The following CPVL variants were observed in gnomAD, a reference collection of about 807,000 sequenced individuals.
CPVL encodes probable serine carboxypeptidase CPVL.
A neutral mutation model predicts 63.7 loss-of-function variants in CPVL; 51 were observed. The ratio of observed to expected loss-of-function variants is 0.80; its 90% CI spans 0.64 to 1.01. The LOEUF (loss-of-function observed/expected upper bound fraction) is 1.01, where lower values mean the gene tolerates loss of function less well. CPVL is among the 50% of genes least tolerant of loss of function. CPVL has a pLI of 0.00. For missense variants in CPVL, 530 were observed against 573.1 expected (o/e 0.92, Z 0.77); for synonymous variants, 195 against 206.0 (o/e 0.95, Z 0.46).
chr7:28,995,949 T>C, intron 12 of CPVL, 67 bp from the exon 13 acceptor site: 1 of 896,608 alleles, frequency 1.1e-6, no homozygotes, highest in African/African-American at 1.7e-5. Context: ...TGGAAAGTTT[T>C]CATTCAGATT....
chr7:29,166,041 G>C (rs1795866984), intron 5 of CPVL, among the ~76,000 whole-genome samples: 1 of 152,084 alleles, frequency 6.6e-6, no homozygotes, highest in African/African-American at 2.4e-5. Flanking sequence ...TTGTTTGTCT[G>C]TTTGTTTTTA....
At chr7:29,105,351 G>A (rs940245813) in intron 3 of CPVL, among the ~76,000 whole-genome samples, 2 of 152,172 alleles carry the variant, frequency 1.3e-5, no homozygotes, top group African/African-American at 4.8e-5. Context: ...TGCAAGGACA[G>A]GTAAACTTGG....
At chr7:29,111,889 T>C (rs1235991055) in intron 3 of CPVL, among the ~76,000 whole-genome samples, 1 of 152,236 alleles carries the variant, frequency 6.6e-6, no homozygotes, top group Admixed American at 6.5e-5. Context: ...TTCTCTAGCC[T>C]GTAAAACAAA....
intron 4 of CPVL, among the ~76,000 whole-genome samples, chr7:29,183,467 C>G (rs889487003): frequency 6.6e-6 from 1 of 151,624 alleles, no homozygotes; most frequent in African/African-American, 2.4e-5. Context: ...ACTTTTGTCT[C>G]TTGGGTTCAA....
At chr7:29,066,587 G>C (rs930739347) in intron 9 of CPVL, among the ~76,000 whole-genome samples, 2 of 152,214 alleles carry the variant, frequency 1.3e-5, no homozygotes, top group African/African-American at 4.8e-5. Context: ...TCTAGGGGAA[G>C]GAAGGTTCCA....
At chr7:29,045,904 C>A (rs1275507731) in intron 11 of CPVL, among the ~76,000 whole-genome samples, 2 of 151,996 alleles carry the variant, frequency 1.3e-5, no homozygotes, top group African/African-American at 4.8e-5. Context: ...CTTTTGATAG[C>A]CTGGGATAAG....
intron 11 of CPVL, among the ~76,000 whole-genome samples, chr7:29,062,009 T>A (rs918396443): frequency 6.6e-6 from 1 of 150,970 alleles, no homozygotes; most frequent in African/African-American, 2.4e-5. Flanking sequence ...ATAACACATA[T>A]CAAACTTATC....
intron 3 of CPVL, among the ~76,000 whole-genome samples, chr7:29,104,511 T>G (rs973644596): frequency 1.3e-5 from 2 of 152,200 alleles, no homozygotes; most frequent in African/African-American, 4.8e-5. Flanking sequence ...TCCACCTGCT[T>G]TGGCCTCCCA....
chr7:29,082,916 C>T (rs1410641732), intron 7 of CPVL, among the ~76,000 whole-genome samples: 1 of 152,160 alleles, frequency 6.6e-6, no homozygotes. Context: ...ACGAAGTAGA[C>T]CACTCTTCTG....
intron 1 of CPVL, among the ~76,000 whole-genome samples, chr7:29,144,739 AAAAC>A: frequency 6.6e-6 from 1 of 152,324 alleles, no homozygotes; most frequent in Non-Finnish European, 1.5e-5. Flanking sequence ...TCCCAAAACA[AAAAC>A]AAACTCATTT....
exon 2 of CPVL, chr7:29,186,546 G>A (rs996021541): frequency 2.2e-4 from 34 of 151,642 alleles, no homozygotes; most frequent in African/African-American, 7.0e-4. Flanking sequence ...CTGTATTGCA[G>A]CCTGCGTGAC....
chr7:29,005,419 T>C (rs945003666), intron 12 of CPVL, among the ~76,000 whole-genome samples: 3 of 152,192 alleles, frequency 2.0e-5, no homozygotes, highest in African/African-American at 7.2e-5. Context: ...AGGGGAAATG[T>C]TTCTTTTCCA....
chr7:29,136,904 A>G (rs962180120), intron 1 of CPVL, among the ~76,000 whole-genome samples: 1 of 152,164 alleles, frequency 6.6e-6, no homozygotes. Context: ...CTGGCCCTGC[A>G]TTCCCACAGC....
At chr7:29,028,231 TGG>T (rs1787682338) in intron 12 of CPVL, among the ~76,000 whole-genome samples, 1 of 152,164 alleles carries the variant, frequency 6.6e-6, no homozygotes, top group Admixed American at 6.5e-5. Context: ...CTGGGTAAAC[TGG>T]GATCCATATG....
chr7:29,193,541 C>T (rs1385255222), intron 1 of CPVL: 1 of 152,170 alleles, frequency 6.6e-6, no homozygotes. Context: ...CTAACAATTT[C>T]TCTTCAAATT....
rs1002323057 is a variant in CPVL, at chr7:29,155,455, G to A, written c.-11+25835C>T. Among the ~76,000 whole-genome samples, 7 of 152,110 alleles carry A rather than the reference G, an allele frequency of 4.6e-5. 1 individual carries two copies. The highest frequency in any genetic ancestry group is 3.9e-4 in the East Asian group (2 of 5,188). On this transcript the variant is annotated intron_variant, in intron 5 of 16. Transcript: ENST00000409850. The stretch of plus-strand genomic sequence containing the variant: ...GGTCATTCAGCCCTTACTGTAACCC[G>A]AAAAGGTAGATATTATATTCTCCAT...
intron 11 of CPVL, among the ~76,000 whole-genome samples, chr7:29,062,872 C>G (rs73684549): frequency 0.1 from 15,165 of 152,196 alleles, 2,527 homozygotes; most frequent in African/African-American, 0.34. Context: ...GGGCTGCCGA[C>G]TGCCCTGTTT....
chr7:29,055,383 G>A (rs1304151337), intron 11 of CPVL, among the ~76,000 whole-genome samples: 1 of 152,038 alleles, frequency 6.6e-6, no homozygotes, highest in Non-Finnish European at 1.5e-5. Flanking sequence ...CCAAGTAGCT[G>A]GGATTACAGG....
At chr7:29,097,860 C>A (rs964639426) in intron 3 of CPVL, among the ~76,000 whole-genome samples, 9 of 152,192 alleles carry the variant, frequency 5.9e-5, no homozygotes, top group African/African-American at 1.2e-4. Context: ...CAGCCAGGAG[C>A]AGAGCCAGAC....
Sources: allele counts gnomAD v4.1 joint callset (sites outside exome capture counted in the v4.1 genomes callset), GRCh38; gene constraint gnomAD v4.1.1; transcripts MANE v1.5; gene names NCBI Gene and HGNC (gene_info 2026-07-23, HGNC 2026-07-21).